Variants in PDE4C observed in about 807,000 individuals in gnomAD.
PDE4C encodes phosphodiesterase 4C, also known as 3',5'-cyclic-AMP phosphodiesterase 4C.
A neutral mutation model predicts 63.9 loss-of-function variants in PDE4C; 50 were observed. The ratio of observed to expected loss-of-function variants is 0.78; its 90% CI spans 0.62 to 0.99. PDE4C has a LOEUF of 0.99. Ranked by LOEUF, PDE4C falls within the 50% of genes least tolerant of loss-of-function variation. PDE4C has a pLI of 0.00. For missense variants in PDE4C, 777 were observed against 899.1 expected, an observed-to-expected ratio of 0.86 and a Z score of 1.74; for synonymous variants, 377 against 385.1, an observed-to-expected ratio of 0.98 and a Z score of 0.25.
At chr19:18,251,056 G>C (rs531254523), upstream of PDE4C, among the ~76,000 whole-genome samples, 1 of 151,582 alleles carries the variant, frequency 6.6e-6, no homozygotes, top group Non-Finnish European at 1.5e-5. Context: ...GATTACAGGC[G>C]TGGGCCACTG....
At chr19:18,222,610 CTTTTA>C (rs1968531883) in intron 1 of PDE4C, among the ~76,000 whole-genome samples, 1 of 71,086 alleles carries the variant, frequency 1.4e-5, no homozygotes, top group African/African-American at 4.4e-5. Flanking sequence ...CACCCTATTT[CTTTTA>C]TTTTTTTTCT....
chr19:18,233,866 G>A (rs1968902543), upstream of PDE4C, among the ~76,000 whole-genome samples: 1 of 152,206 alleles, frequency 6.6e-6, no homozygotes, highest in Non-Finnish European at 1.5e-5. Context: ...AAGCAGTCAA[G>A]GTTCTGGTCT....
chr19:18,238,002 T>C (rs1968981829), upstream of PDE4C, among the ~76,000 whole-genome samples: 1 of 151,160 alleles, frequency 6.6e-6, no homozygotes, highest in Non-Finnish European at 1.5e-5. Flanking sequence ...TTTGAAAGGG[T>C]GGTTTGACCC....
chr19:18,213,501 G>A lies in PDE4C; in HGVS notation c.1390-11C>T, dbSNP rs775200233. The A allele has an allele frequency of 5.0e-6, 8 of 1,608,810 alleles. No individual in the cohort carries two copies. In the South Asian group the frequency reaches 6.6e-5, roughly 13 times the overall value. ...GTCTGTGGCCAGCACCTGGGGGCAG[G>A]CAAGGGAAGGTGACAGGCGCGAGGA... On this transcript the variant is annotated splice_polypyrimidine_tract_variant and intron_variant, in intron 12 of 14. Coordinates refer to ENST00000262805, the Ensembl canonical transcript of PDE4C.
intron 1 of PDE4C, among the ~76,000 whole-genome samples, chr19:18,240,762 C>T (rs1969022616): frequency 6.6e-6 from 1 of 152,134 alleles, no homozygotes. Context: ...CAAGACCATG[C>T]TGCTAATCAG....
chr19:18,221,329 T>G, intron 2 of PDE4C, 32 bp from the exon 3 acceptor site: 1 of 1,534,964 alleles, frequency 6.5e-7, no homozygotes, highest in Non-Finnish European at 8.8e-7. Context: ...GGGAGAGCTC[T>G]CTCCCATCTT....
upstream of PDE4C, among the ~76,000 whole-genome samples, chr19:18,251,136 TC>T (rs1029187130): frequency 3.1e-5 from 4 of 130,430 alleles, no homozygotes; most frequent in Non-Finnish European, 6.8e-5. Context: ...GTCTTTTTTT[TC>T]CCCCCCGAGA....
At chr19:18,223,286 C>T (rs942465947) in intron 1 of PDE4C, among the ~76,000 whole-genome samples, 5 of 151,944 alleles carry the variant, frequency 3.3e-5, no homozygotes, top group African/African-American at 7.3e-5. Flanking sequence ...TCTCAGCTCA[C>T]CGCAACCTCC....
chr19:18,219,070 C>T (rs1319564075), intron 8 of PDE4C, 32 bp from the exon 9 acceptor site: 1 of 1,589,578 alleles, frequency 6.3e-7, no homozygotes, highest in East Asian at 2.2e-5. Context: ...CTTAATTAAC[C>T]CCAGCCCAAC....
chr19:18,251,515 A>G (rs1191077169), upstream of PDE4C, among the ~76,000 whole-genome samples: 1 of 151,032 alleles, frequency 6.6e-6, no homozygotes, highest in Non-Finnish European at 1.5e-5. Context: ...GCTCACTGCA[A>G]CCTCTGCCGC....
chr19:18,237,231 G>A (rs984448586), upstream of PDE4C, among the ~76,000 whole-genome samples: 5 of 152,190 alleles, frequency 3.3e-5, no homozygotes, highest in African/African-American at 9.7e-5. Flanking sequence ...GTGAAGTAGG[G>A]ATCTCAAACG....
chr19:18,226,480 G>T, upstream of PDE4C: 1 of 1,302,898 alleles, frequency 7.7e-7, no homozygotes, highest in South Asian at 2.1e-5. Flanking sequence ...GACAGCTGCG[G>T]GGGCGGGGCC....
chr19:18,220,321 TG>T lies in PDE4C; in HGVS notation c.613-3del. On this transcript the variant is annotated splice_region_variant and splice_polypyrimidine_tract_variant and intron_variant, in intron 6 of 14. Coordinates refer to ENST00000262805, the Ensembl canonical transcript of PDE4C. This position sits in a 1 kb window ranked among gnomAD's most constrained non-coding sequence, Gnocchi z 5.1. ...CTCCCGGTTCAGGATCCGCTTGAAC[TG>T]GGGCGGAGAGAAGGTGAAGACCGTG... 3 of 1,614,020 alleles carry T rather than the reference TG, an allele frequency of 1.9e-6. No homozygotes were observed. The highest frequency in any genetic ancestry group is 2.5e-6 in the Non-Finnish European group (3 of 1,179,952).
At chr19:18,221,685 T>C (rs910971540) in intron 2 of PDE4C, among the ~76,000 whole-genome samples, 3 of 152,148 alleles carry the variant, frequency 2.0e-5, no homozygotes, top group Non-Finnish European at 4.4e-5. Flanking sequence ...AGTGCAGTGG[T>C]GCCATCTCGG....
intron 1 of PDE4C, among the ~76,000 whole-genome samples, chr19:18,246,327 G>T (rs1969132144): frequency 2.0e-5 from 3 of 150,550 alleles, no homozygotes; most frequent in Admixed American, 6.7e-5. Context: ...GGGACTACAG[G>T]CGTACACCAC....
chr19:18,220,361 G>A lies in PDE4C; in HGVS notation c.612+42C>T. Reference sequence around the variant, plus strand: ...GTGAAGACCGTGATGATGGGGCACCGTGGGCCGAGGCAGGTGAGCTCAGCG... The same window carrying A: ...GTGAAGACCGTGATGATGGGGCACCATGGGCCGAGGCAGGTGAGCTCAGCG... On this transcript the variant is annotated intron_variant, in intron 6 of 14. Coordinates refer to ENST00000262805, the Ensembl canonical transcript of PDE4C. The surrounding 1 kb of genome is among the most constrained non-coding windows in gnomAD (Gnocchi z 5.1). 6 of 1,611,868 alleles carry A rather than the reference G, an allele frequency of 3.7e-6. No individual in the cohort carries two copies. Among genetic ancestry groups the A allele is most frequent in the Non-Finnish European group, 5.1e-6 (6 of 1,177,970 alleles).
chr19:18,233,781 G>A (rs1432616232), upstream of PDE4C: 3 of 315,284 alleles, frequency 9.5e-6, no homozygotes, highest in Non-Finnish European at 1.9e-5. Context: ...GGCGTCATCC[G>A]CCCAGGAGGT....
In PDE4C at chr19:18,220,955, C is replaced by A; in HGVS notation, c.450-32G>T. 1.3e-6 allele frequency: 2 copies of A among 1,584,278 alleles called. No homozygotes were observed. The highest frequency in any genetic ancestry group is 1.7e-6 in the Non-Finnish European group (2 of 1,166,938). ...TACAGCAGCCTCAGGCGTGGCTGCTCCGCCCATCTCGCCCCGCCCCCAAGT... is the reference window on the plus strand; with the variant it reads ...TACAGCAGCCTCAGGCGTGGCTGCTACGCCCATCTCGCCCCGCCCCCAAGT... On this transcript the variant is annotated intron_variant, in intron 4 of 14. Coordinates refer to ENST00000262805, the Ensembl canonical transcript of PDE4C. The surrounding 1 kb of genome is among the most constrained non-coding windows in gnomAD (Gnocchi z 5.1).
intron 1 of PDE4C, among the ~76,000 whole-genome samples, chr19:18,246,367 G>T (rs2148074130): frequency 7.0e-6 from 1 of 143,640 alleles, no homozygotes; most frequent in South Asian, 2.3e-4. Context: ...TTTTTTAATA[G>T]AGATAGGGTC....
Sources: gnomAD v4.1 joint callset for allele counts (sites outside exome capture counted in the v4.1 genomes callset) on GRCh38, gnomAD v4.1.1 for gene constraint, Gnocchi (gnomAD v3.1) non-coding constraint, MANE v1.5 for transcripts, NCBI Gene and HGNC (gene_info 2026-07-23, HGNC 2026-07-21) for gene names.